Variants in AUTS2 observed in about 807,000 individuals in gnomAD.
AUTS2 encodes the protein autism susceptibility gene 2 protein.
AUTS2 carries 17 observed loss-of-function variants against 112.4 expected under a neutral mutation model. That is an observed-to-expected ratio of 0.15 (90% CI 0.10 to 0.23). AUTS2 has a LOEUF of 0.23. Among genes scored for constraint, AUTS2 ranks in the 10% least tolerant of loss-of-function variants. AUTS2 has a pLI of 1.00. For synonymous variants in AUTS2, 751 were observed against 702.7 expected, an observed-to-expected ratio of 1.07 and a Z score of -1.09; for missense variants, 1,510 against 1,701.6, an observed-to-expected ratio of 0.89 and a Z score of 1.98.
At chr7:69,683,606 A>T (rs181985719) in intron 1 of AUTS2, among the ~76,000 whole-genome samples, 15 of 152,080 alleles carry the variant, frequency 9.9e-5, no homozygotes, top group African/African-American at 3.4e-4. Context: ...ACCCAAAACC[A>T]AAAAACGAGA....
chr7:70,219,573 CTTTT>C (rs1342047199), intron 4 of AUTS2, among the ~76,000 whole-genome samples: 2 of 137,872 alleles, frequency 1.5e-5, no homozygotes, highest in Non-Finnish European at 1.6e-5. Flanking sequence ...TTTTCTTTTC[CTTTT>C]TTTTTTTTTT....
intron 4 of AUTS2, among the ~76,000 whole-genome samples, chr7:70,279,579 G>A (rs1338807143): frequency 2.0e-5 from 3 of 152,210 alleles, no homozygotes; most frequent in Non-Finnish European, 2.9e-5. Flanking sequence ...TCAGCCTTCG[G>A]TGTGACAGGA....
intron 6 of AUTS2, among the ~76,000 whole-genome samples, chr7:70,721,935 T>C (rs1374855288): frequency 1.3e-5 from 2 of 152,206 alleles, no homozygotes; most frequent in Non-Finnish European, 2.9e-5. Context: ...TTATCATACC[T>C]CCGAAAGTTA....
At chr7:69,932,102 C>T (rs937825514) in intron 2 of AUTS2, among the ~76,000 whole-genome samples, 8 of 152,122 alleles carry the variant, frequency 5.3e-5, no homozygotes, top group African/African-American at 1.9e-4. Flanking sequence ...CACACATGCA[C>T]AGCTTGTGTG....
At chr7:70,247,197 G>T (rs1812971028) in intron 4 of AUTS2, among the ~76,000 whole-genome samples, 1 of 152,140 alleles carries the variant, frequency 6.6e-6, no homozygotes, top group Non-Finnish European at 1.5e-5. Flanking sequence ...AGAAAGGAAG[G>T]AAATGTTGAC....
At chr7:70,146,396 C>T (rs1177284515) in intron 4 of AUTS2, among the ~76,000 whole-genome samples, 1 of 152,006 alleles carries the variant, frequency 6.6e-6, no homozygotes, top group Non-Finnish European at 1.5e-5. Context: ...TAACATGGAT[C>T]TTATTAACAG....
At chr7:70,018,587 G>A (rs752544623) in intron 2 of AUTS2, among the ~76,000 whole-genome samples, 2 of 152,074 alleles carry the variant, frequency 1.3e-5, no homozygotes, top group African/African-American at 4.8e-5. Flanking sequence ...AAGAGATCCC[G>A]GTTATACAAC....
chr7:70,574,263 C>G (rs1802068117), intron 5 of AUTS2, among the ~76,000 whole-genome samples: 1 of 152,124 alleles, frequency 6.6e-6, no homozygotes, highest in African/African-American at 2.4e-5. Flanking sequence ...CTACTAACAT[C>G]TGAAAAAAGG....
chr7:70,790,381 C>A lies in AUTS2; in HGVS notation c.3165C>A (p.Leu1055=), dbSNP rs1304891043. The part of the protein sequence containing the change: ...MMTPFMGISP[L]PGGERFPYPS... The stretch of plus-strand genomic sequence containing the variant: ...CCCCCTTCATGGGCATCAGCCCCCT[C>A]CCGGGCGGAGAGCGCTTCCCGTACC... Residue 1055 remains leucine, a synonymous_variant, in exon 19 of 19, where the codon CTC becomes CTA. Transcript: ENST00000342771. This position sits in a 1 kb window ranked among gnomAD's most constrained non-coding sequence, Gnocchi z 7.6. 2 of 1,613,894 alleles carry A rather than the reference C, an allele frequency of 1.2e-6. No homozygotes were observed. Among genetic ancestry groups the A allele is most frequent in the African/African-American group, 1.3e-5 (1 of 75,064 alleles).
At chr7:70,680,568 C>T (rs1012551099) in intron 5 of AUTS2, among the ~76,000 whole-genome samples, 1 of 152,184 alleles carries the variant, frequency 6.6e-6, no homozygotes, top group African/African-American at 2.4e-5. Context: ...ATTTCCATGC[C>T]TCCTCATGCA....
At chr7:70,756,639 C>G (rs73706468) in intron 6 of AUTS2, among the ~76,000 whole-genome samples, 260 of 152,218 alleles carry the variant, frequency 1.7e-3, no homozygotes, top group African/African-American at 6.2e-3. Context: ...CAATGTTTGA[C>G]TTTATATCTA....
At chr7:70,341,850 A>T (rs1791278840) in intron 4 of AUTS2, among the ~76,000 whole-genome samples, 1 of 152,228 alleles carries the variant, frequency 6.6e-6, no homozygotes, top group African/African-American at 2.4e-5. Context: ...CTTGCAGTGC[A>T]AGTTTGGCTG....
At chr7:69,633,557 C>G (rs1372576790) in intron 1 of AUTS2, among the ~76,000 whole-genome samples, 1 of 152,100 alleles carries the variant, frequency 6.6e-6, no homozygotes, top group Non-Finnish European at 1.5e-5. Flanking sequence ...AAACTACATT[C>G]CCACCAACCG....
At position 70,043,617 on chromosome 7, in the gene AUTS2, T is replaced by A. The variant is rs539440132; in HGVS notation, c.523-74515T>A. Among the ~76,000 whole-genome samples the A allele has an allele frequency of 1.5e-3, 219 of 146,748 alleles. 1 individual carries two copies. Among genetic ancestry groups the A allele is most frequent in the African/African-American group, 5.4e-3 (213 of 39,510 alleles). Reference sequence around the variant, plus strand: ...CCTTCCTTCCTTCCTTTTTTTTTTTTTTTTATTTTTGGTCAGTGTTTCACT... The same window carrying A: ...CCTTCCTTCCTTCCTTTTTTTTTTTATTTTATTTTTGGTCAGTGTTTCACT... On this transcript the variant is annotated intron_variant, in intron 2 of 18. Transcript: ENST00000342771.
intron 4 of AUTS2, among the ~76,000 whole-genome samples, chr7:70,168,268 G>C (rs80345294): frequency 6.6e-6 from 1 of 152,010 alleles, no homozygotes; most frequent in South Asian, 2.1e-4. Flanking sequence ...ATTTATGCAG[G>C]CTCTCTGAGC....
intron 2 of AUTS2, among the ~76,000 whole-genome samples, chr7:70,009,607 A>T (rs1799706052): frequency 6.6e-6 from 1 of 152,228 alleles, no homozygotes; most frequent in East Asian, 1.9e-4. Flanking sequence ...AAGTGCAGCT[A>T]CCAATGACAA....
chr7:70,615,571 G>C (rs891025411), intron 5 of AUTS2, among the ~76,000 whole-genome samples: 1 of 123,136 alleles, frequency 8.1e-6, no homozygotes, highest in African/African-American at 2.7e-5. Flanking sequence ...ATGGCTTGTT[G>C]TTGTTGTTGT....
intron 4 of AUTS2, among the ~76,000 whole-genome samples, chr7:70,311,357 C>T (rs1005656712): frequency 8.5e-5 from 13 of 152,124 alleles, no homozygotes; most frequent in African/African-American, 2.4e-4. Context: ...ATAATAATGT[C>T]GTGTCCCCTT....
chr7:70,119,373 T>C (rs985433646), intron 3 of AUTS2: 14 of 151,808 alleles, frequency 9.2e-5, no homozygotes, highest in Middle Eastern at 3.4e-3. Context: ...AGAGATTTTT[T>C]TTTTTTTTTT....
Sources: gnomAD v4.1 joint callset for allele counts (sites outside exome capture counted in the v4.1 genomes callset) on GRCh38, gnomAD v4.1.1 for gene constraint, Gnocchi (gnomAD v3.1) non-coding constraint, MANE v1.5 for transcripts, NCBI Gene and HGNC (gene_info 2026-07-23, HGNC 2026-07-21) for gene names.